Variants in SUGP2 observed in about 807,000 individuals in gnomAD.
The protein encoded by SUGP2 is SURP and G-patch domain-containing protein 2.
A neutral mutation model predicts 90.5 loss-of-function variants in SUGP2; 24 were observed. The observed-to-expected ratio is 0.27, with a 90% confidence interval of 0.19 to 0.37. The LOEUF (loss-of-function observed/expected upper bound fraction) is 0.37. SUGP2 is among the 10% of genes least tolerant of loss of function. The probability of loss-of-function intolerance (pLI) is 1.00; values close to 1 mark genes in which losing one functional copy is unlikely to be tolerated. For missense variants in SUGP2, 1,233 were observed against 1,363.3 expected (o/e 0.90, Z 1.51); for synonymous variants, 473 against 513.4 (o/e 0.92, Z 1.06).
intron 3 of SUGP2, among the ~76,000 whole-genome samples, chr19:19,023,565 T>G (rs1465094207): frequency 6.6e-6 from 1 of 152,112 alleles, no homozygotes; most frequent in African/African-American, 2.4e-5. Flanking sequence ...GCTCTGTGTC[T>G]TTTCTCCCTT....
At chr19:19,033,631 T>C (rs535753915), upstream of SUGP2, 10 of 1,122,070 alleles carry the variant, frequency 8.9e-6, 1 homozygote, top group South Asian at 2.7e-4. Context: ...GCAAGCGCGC[T>C]GTCCGCTTCT....
In SUGP2 at chr19:18,994,817, C is replaced by A. The variant is rs564797698; in HGVS notation, c.3128+327G>T. 41 of 530,100 alleles carry A rather than the reference C, an allele frequency of 7.7e-5. No homozygotes were observed. In the Admixed American group the frequency reaches 1.3e-3, roughly 17 times the overall value. 32.8% of individuals were successfully genotyped at this position (530,100 alleles called of 1,614,324 possible). Reference sequence around the variant, plus strand: ...GGCCTGTGTTCGGGACCCTGGCTGGCCCGGCTATGGGTTCCCGGGAATGGG... The same window carrying A: ...GGCCTGTGTTCGGGACCCTGGCTGGACCGGCTATGGGTTCCCGGGAATGGG... On this transcript the variant is annotated intron_variant, in intron 9 of 10. Coordinates refer to ENST00000452918, the MANE Select transcript of SUGP2 (RefSeq NM_001017392.5).
chr19:19,023,745 T>G (rs556117814), intron 3 of SUGP2, among the ~76,000 whole-genome samples: 131 of 152,018 alleles, frequency 8.6e-4, no homozygotes, highest in Non-Finnish European at 1.4e-3. Context: ...ACAAAAAAAG[T>G]TAGCCAGGCA....
At chr19:19,020,450 AT>A (rs1199692623) in intron 3 of SUGP2, among the ~76,000 whole-genome samples, 49 of 138,680 alleles carry the variant, frequency 3.5e-4, no homozygotes, top group South Asian at 1.9e-3. Flanking sequence ...AAAAAGGCAA[AT>A]TTTTTTTTTT....
rs1351204677 is a variant in SUGP2, at chr19:19,009,838, C to A, written c.2338+17G>T. The A allele has an allele frequency of 3.8e-6, 6 of 1,588,132 alleles. No individual in the cohort carries two copies. The highest frequency in any genetic ancestry group is 2.7e-5 in the African/African-American group (2 of 74,430). Reference sequence around the variant, plus strand: ...GGGACTGGGGCCCAGAGGAGGGGGACAGGAGTGAGCACCCACTGTCAGCAG... The same window carrying A: ...GGGACTGGGGCCCAGAGGAGGGGGAAAGGAGTGAGCACCCACTGTCAGCAG... On this transcript the variant is annotated intron_variant, in intron 5 of 10. Coordinates refer to ENST00000452918, the MANE Select transcript of SUGP2 (RefSeq NM_001017392.5).
intron 8 of SUGP2, among the ~76,000 whole-genome samples, chr19:18,995,493 G>A (rs926542524): frequency 3.3e-5 from 5 of 152,348 alleles, no homozygotes; most frequent in Non-Finnish European, 4.4e-5. Flanking sequence ...GAGGTCAGTC[G>A]TGCCTCTCAG....
chr19:19,004,600 T>C lies in SUGP2; in HGVS notation c.2497A>G (p.Lys833Glu). 1.9e-6 allele frequency: 3 copies of C among 1,613,230 alleles called. No homozygotes were observed. Among genetic ancestry groups the C allele is most frequent in the Non-Finnish European group, 2.5e-6 (3 of 1,179,416 alleles). The change falls in exon 7 of 11, where the codon AAA (lysine) becomes GAA (glutamate). Residue 833 changes from lysine to glutamate, a missense_variant. Physicochemically the swap from Lys to Glu is moderately conservative, Grantham distance 56. Transcript: ENST00000452918. ...ATTGATGGACATAGTTCAAACACTT[T>C]CTTTCGATAGAATTTGAAAGCAGAA... Reference protein sequence around the residue: ...NSSAFKFYRKKVFELCPSICF... With the variant: ...NSSAFKFYRKEVFELCPSICF...
intron 6 of SUGP2, among the ~76,000 whole-genome samples, chr19:19,005,852 CA>C (rs1425425996): frequency 5.2e-4 from 1 of 1,914 alleles, no homozygotes; most frequent in East Asian, 6.3e-3. Context: ...CAAACACACA[CA>C]CACACACACA....
chr19:19,011,139 TAA>T (rs761596499), intron 4 of SUGP2, among the ~76,000 whole-genome samples: 1 of 139,482 alleles, frequency 7.2e-6, no homozygotes, highest in Non-Finnish European at 1.6e-5. Context: ...ACCCTATCTT[TAA>T]AAAAAAAAAA....
intron 4 of SUGP2, among the ~76,000 whole-genome samples, chr19:19,017,766 G>A (rs1463621088): frequency 2.6e-5 from 4 of 151,540 alleles, no homozygotes; most frequent in Admixed American, 6.6e-5. Context: ...GCAAGATTCC[G>A]TTAACAAATA....
chr19:19,027,226 T>G (rs2058971353), intron 2 of SUGP2, among the ~76,000 whole-genome samples: 1 of 152,128 alleles, frequency 6.6e-6, no homozygotes, highest in African/African-American at 2.4e-5. Flanking sequence ...ATGAGAACAG[T>G]GGGCCTCAGG....
intron 3 of SUGP2, among the ~76,000 whole-genome samples, chr19:19,023,477 G>C (rs1473045679): frequency 6.6e-6 from 1 of 152,122 alleles, no homozygotes; most frequent in Non-Finnish European, 1.5e-5. Flanking sequence ...TCAGACATAT[G>C]CTACCACCCC....
chr19:19,023,125 G>T (rs1313639471), intron 3 of SUGP2, among the ~76,000 whole-genome samples: 1 of 152,072 alleles, frequency 6.6e-6, no homozygotes, highest in Non-Finnish European at 1.5e-5. Context: ...TAATTAGCAG[G>T]TGTACTTAAG....
At chr19:19,017,641 G>A (rs1015279394) in intron 4 of SUGP2, among the ~76,000 whole-genome samples, 7 of 152,174 alleles carry the variant, frequency 4.6e-5, no homozygotes, top group Non-Finnish European at 7.4e-5. Context: ...GTGTGGTGGC[G>A]GGCACCTGTA....
At chr19:19,000,668 C>T (rs1037971546) in intron 8 of SUGP2, among the ~76,000 whole-genome samples, 8 of 151,988 alleles carry the variant, frequency 5.3e-5, no homozygotes, top group Non-Finnish European at 1.2e-4. Flanking sequence ...TCCCAAAGCA[C>T]TGGGATTACA....
chr19:19,001,750 G>A, intron 7 of SUGP2, 76 bp from the exon 8 acceptor site: 7 of 1,478,840 alleles, frequency 4.7e-6, no homozygotes, highest in Non-Finnish European at 6.6e-6. Context: ...AGATCTTGCA[G>A]TCTATTTTGG....
chr19:18,998,565 A>G (rs2057701785), intron 8 of SUGP2, among the ~76,000 whole-genome samples: 1 of 152,026 alleles, frequency 6.6e-6, no homozygotes, highest in Admixed American at 6.6e-5. Flanking sequence ...CGAGGGTATT[A>G]TATAAAGTAG....
intron 4 of SUGP2, among the ~76,000 whole-genome samples, chr19:19,015,899 G>A (rs916359367): frequency 2.6e-5 from 4 of 152,144 alleles, no homozygotes; most frequent in South Asian, 2.1e-4. Context: ...TCAGCCAACC[G>A]CTGAGATTTT....
intron 7 of SUGP2, 70 bp downstream of exon 7, chr19:19,004,098 C>T: frequency 8.1e-7 from 1 of 1,235,894 alleles, no homozygotes; most frequent in Non-Finnish European, 1.1e-6. Flanking sequence ...CCACCTGTCT[C>T]TTCTAACTCT....
Sources: allele counts gnomAD v4.1 joint callset (sites outside exome capture counted in the v4.1 genomes callset), GRCh38; gene constraint gnomAD v4.1.1; transcripts MANE v1.5; gene names NCBI Gene and HGNC (gene_info 2026-07-23, HGNC 2026-07-21).